PLEKHH2: variants seen among roughly 807,000 people sequenced by gnomAD.
The protein encoded by PLEKHH2 is pleckstrin homology, MyTH4 and FERM domain containing H2, also known as pleckstrin homology domain-containing family H member 2.
Under a neutral mutation model 187.9 loss-of-function variants are expected in PLEKHH2, and 129 were observed. The observed-to-expected ratio is 0.69, with a 90% CI of 0.59 to 0.79. The LOEUF is 0.79. Ranked by LOEUF, PLEKHH2 falls within the 30% of genes least tolerant of loss-of-function variation. The probability of loss-of-function intolerance (pLI) is 0.00; values close to 1 mark genes in which losing one functional copy is unlikely to be tolerated. For synonymous variants in PLEKHH2, 686 were observed against 605.6 expected, an observed-to-expected ratio of 1.13 and a Z score of -1.95; for missense variants, 2,076 against 1,751.2, an observed-to-expected ratio of 1.19 and a Z score of -3.31.
chr2:43,741,742 G>A (rs924905434), intron 21 of PLEKHH2, among the ~76,000 whole-genome samples: 3 of 152,180 alleles, frequency 2.0e-5, no homozygotes, highest in African/African-American at 2.4e-5. Flanking sequence ...CCAAGGTCAG[G>A]TAATTTCAGT....
chr2:43,734,147 A>G (rs1219836587), intron 19 of PLEKHH2, among the ~76,000 whole-genome samples: 2 of 152,178 alleles, frequency 1.3e-5, no homozygotes, highest in Non-Finnish European at 2.9e-5. Context: ...GAATATTACA[A>G]TGAGGCCTAA....
chr2:43,695,284 T>C (rs1669032329), intron 6 of PLEKHH2, 60 bp downstream of exon 6: 3 of 886,472 alleles, frequency 3.4e-6, no homozygotes, highest in African/African-American at 1.7e-5. Flanking sequence ...GGCTTTTACT[T>C]TTTTTGATGT....
intron 17 of PLEKHH2, among the ~76,000 whole-genome samples, chr2:43,728,147 T>A (rs550203638): frequency 6.6e-6 from 1 of 152,266 alleles, no homozygotes. Context: ...TTTCTCGCCC[T>A]AGTAATGACT....
At chr2:43,760,255 G>C (rs1168605538) in intron 27 of PLEKHH2, among the ~76,000 whole-genome samples, 1 of 151,242 alleles carries the variant, frequency 6.6e-6, no homozygotes, top group East Asian at 1.9e-4. Context: ...CATCTTTTTT[G>C]CTCACTTTTC....
At chr2:43,733,672 G>C (rs1030334767) in intron 19 of PLEKHH2, among the ~76,000 whole-genome samples, 1 of 152,088 alleles carries the variant, frequency 6.6e-6, no homozygotes, top group African/African-American at 2.4e-5. Flanking sequence ...AGTATTTATT[G>C]GTAAAGTAGT....
At chr2:43,694,351 T>C (rs1470417993) in intron 4 of PLEKHH2, 80 bp from the exon 5 acceptor site, 10 of 1,423,788 alleles carry the variant, frequency 7.0e-6, no homozygotes, top group African/African-American at 1.5e-5. Flanking sequence ...TAAGTGGATA[T>C]GCCTTGTATA....
At chr2:43,655,140 G>C (rs901424760) in intron 2 of PLEKHH2, among the ~76,000 whole-genome samples, 1 of 151,994 alleles carries the variant, frequency 6.6e-6, no homozygotes, top group Non-Finnish European at 1.5e-5. Context: ...CAGAAGTTCC[G>C]GGGGCTGCAG....
rs974661384 is a variant in PLEKHH2, at chr2:43,711,393, G to A, written c.2301+818G>A. 6 of 984,546 alleles carry A rather than the reference G, an allele frequency of 6.1e-6. No individual in the cohort carries two copies. The African/African-American group carries it at 8.7e-5, about 14-fold the overall frequency. The allele number at this position is 984,546 out of a possible 1,614,324, so 61.0% of individuals were successfully genotyped here. On this transcript the variant is annotated intron_variant, in intron 14 of 29. Transcript: ENST00000282406. The stretch of plus-strand genomic sequence containing the variant: ...TAAGTTTCTGAAATTTGGAAAATTT[G>A]CAGTGTGGCTAATTTGAGACTGGAA...
intron 17 of PLEKHH2, among the ~76,000 whole-genome samples, chr2:43,727,410 C>CAAAAA (rs57973493): frequency 2.6e-5 from 3 of 114,838 alleles, no homozygotes; most frequent in Non-Finnish European, 3.5e-5. Flanking sequence ...GACTCCGTCT[C>CAAAAA]AAAAAAAAAA....
intron 20 of PLEKHH2, among the ~76,000 whole-genome samples, chr2:43,739,160 G>A (rs1050154244): frequency 1.1e-4 from 16 of 152,062 alleles, no homozygotes; most frequent in Admixed American, 9.2e-4. Context: ...CAAAGTACTG[G>A]GATTACAGGT....
At position 43,684,819 on chromosome 2, in the gene PLEKHH2, C is replaced by CAA. The variant is rs534046953; in HGVS notation, c.186+5910_186+5911dup. Among the ~76,000 whole-genome samples the CAA allele has an allele frequency of 2.0e-3, 222 of 109,784 alleles. 1 individual carries two copies. Among genetic ancestry groups the CAA allele is most frequent in the African/African-American group, 4.7e-3 (158 of 33,292 alleles). The allele number at this position is 109,784 out of a possible 152,430, so 72.0% of individuals were successfully genotyped here. A position where few individuals can be genotyped will look rare whatever the true frequency, so the allele number is the denominator to read the frequency against. On this transcript the variant is annotated intron_variant, in intron 3 of 29. Coordinates refer to ENST00000282406, the MANE Select transcript of PLEKHH2 (RefSeq NM_172069.4). Reference sequence around the variant, plus strand: ...TTAGACATACTGCTACTCCCATTACCAAAAAAAAAAAAAAAAAGAGAGAGA... The same window carrying CAA: ...TTAGACATACTGCTACTCCCATTACCAAAAAAAAAAAAAAAAAAAGAGAGAGA...
At chr2:43,705,335 C>G (rs573968385) in intron 9 of PLEKHH2, among the ~76,000 whole-genome samples, 1 of 144,448 alleles carries the variant, frequency 6.9e-6, no homozygotes, top group Non-Finnish European at 1.5e-5. Flanking sequence ...AGCTCACTAC[C>G]GCCTTGAACT....
At position 43,762,494 on chromosome 2, in the gene PLEKHH2, A is replaced by G. The variant is rs180848045; in HGVS notation, c.4158+104A>G. 5.0e-4 allele frequency: 430 copies of G among 854,466 alleles called. 4 individuals are homozygous for G. Among genetic ancestry groups the G allele is most frequent in the African/African-American group, 3.3e-5 (2 of 59,818 alleles). 52.9% of individuals were successfully genotyped at this position (854,466 alleles called of 1,614,324 possible). A position where few individuals can be genotyped will look rare whatever the true frequency, so the allele number is the denominator to read the frequency against. The stretch of plus-strand genomic sequence containing the variant: ...TCTTAATCTGATTTTTCTCTTACCC[A>G]GGAAACATTCTTCCTAATACTATGT... On this transcript the variant is annotated intron_variant, in intron 28 of 29. Transcript: ENST00000282406.
intron 2 of PLEKHH2, among the ~76,000 whole-genome samples, chr2:43,667,493 A>G (rs1395142456): frequency 6.6e-6 from 1 of 152,244 alleles, no homozygotes; most frequent in Non-Finnish European, 1.5e-5. Flanking sequence ...GAATGTTCAT[A>G]GCACCATTAT....
Position 43,757,105 on chromosome 2 carries a change from G to A in PLEKHH2, c.3796-14G>A. On this transcript the variant is annotated splice_polypyrimidine_tract_variant and intron_variant, in intron 25 of 29. Transcript: ENST00000282406. ...CTTTTCAATATATTTTCACTTTTGT[G>A]GATTTCCAATTAGGTAGAGATTGGA... The A allele has an allele frequency of 6.5e-7, 1 of 1,545,638 alleles. No homozygotes were observed. Among genetic ancestry groups the A allele is most frequent in the Non-Finnish European group, 8.7e-7 (1 of 1,153,128 alleles).
intron 3 of PLEKHH2, chr2:43,680,837 C>G: frequency 2.1e-6 from 1 of 471,896 alleles, no homozygotes; most frequent in South Asian, 2.4e-5. Flanking sequence ...ATTTGCTTGA[C>G]TTATTTGATT....
At chr2:43,648,638 T>C (rs921859858) in intron 2 of PLEKHH2, among the ~76,000 whole-genome samples, 10 of 150,288 alleles carry the variant, frequency 6.7e-5, no homozygotes, top group Non-Finnish European at 1.3e-4. Flanking sequence ...TGGAGTGCAG[T>C]TGCGCAATCT....
chr2:43,757,310 T>C (rs913129848), intron 26 of PLEKHH2, 46 bp downstream of exon 26: 3 of 1,355,312 alleles, frequency 2.2e-6, no homozygotes, highest in Non-Finnish European at 2.9e-6. Context: ...TCATACTAGT[T>C]TTTTGGTAAT....
At chr2:43,713,288 T>A (rs1160920272) in intron 15 of PLEKHH2, among the ~76,000 whole-genome samples, 1 of 152,174 alleles carries the variant, frequency 6.6e-6, no homozygotes, top group African/African-American at 2.4e-5. Context: ...ATCTTAAGTG[T>A]AGAGTTTGAC....
Sources: gnomAD v4.1 joint callset for allele counts (sites outside exome capture counted in the v4.1 genomes callset) on GRCh38, gnomAD v4.1.1 for gene constraint, MANE v1.5 for transcripts, NCBI Gene and HGNC (gene_info 2026-07-23, HGNC 2026-07-21) for gene names.